AIM2: variants seen among roughly 807,000 people sequenced by gnomAD.
AIM2 encodes interferon-inducible protein AIM2.
Under a neutral mutation model 27.7 loss-of-function variants are expected in AIM2, and 30 were observed. The observed-to-expected ratio is 1.08, with a 90% CI of 0.81 to 1.47. The LOEUF (loss-of-function observed/expected upper bound fraction) is 1.47. Ranked by LOEUF, AIM2 falls within the 40% of genes most tolerant of loss-of-function variation. The probability of loss-of-function intolerance (pLI) is 0.00; values close to 1 mark genes in which losing one functional copy is unlikely to be tolerated. For synonymous variants in AIM2, 141 were observed against 145.3 expected, an observed-to-expected ratio of 0.97 and a Z score of 0.21; for missense variants, 358 against 411.3, an observed-to-expected ratio of 0.87 and a Z score of 1.12.
At chr1:159,061,453 C>T (rs577673702), downstream of AIM2, among the ~76,000 whole-genome samples, 72 of 151,982 alleles carry the variant, frequency 4.7e-4, no homozygotes, top group African/African-American at 1.5e-3. Flanking sequence ...AGTGCAATGG[C>T]GCAATCTCAG....
chr1:159,129,656 T>C (rs951199794), intron 1 of AIM2, among the ~76,000 whole-genome samples: 1 of 152,198 alleles, frequency 6.6e-6, no homozygotes, highest in Non-Finnish European at 1.5e-5. Flanking sequence ...AGGAATTAAA[T>C]GGAATCATGC....
chr1:159,095,749 T>C (rs2102013342), intron 1 of AIM2, among the ~76,000 whole-genome samples: 1 of 152,306 alleles, frequency 6.6e-6, no homozygotes, highest in Admixed American at 6.5e-5. Flanking sequence ...AACATTTTAG[T>C]CTCTTAATTG....
At chr1:159,137,644 G>A (rs1258041951) in intron 1 of AIM2, among the ~76,000 whole-genome samples, 2 of 152,138 alleles carry the variant, frequency 1.3e-5, no homozygotes, top group Non-Finnish European at 2.9e-5. Flanking sequence ...GTGACAGAGC[G>A]AGACTCCATC....
intron 1 of AIM2, among the ~76,000 whole-genome samples, chr1:159,076,003 A>C (rs777638562): frequency 6.6e-5 from 10 of 152,204 alleles, no homozygotes; most frequent in Non-Finnish European, 1.3e-4. Flanking sequence ...CTACTTATAC[A>C]TGTAGAGTTC....
At chr1:159,113,086 A>G (rs1657616291) in intron 1 of AIM2, among the ~76,000 whole-genome samples, 1 of 152,028 alleles carries the variant, frequency 6.6e-6, no homozygotes, top group Non-Finnish European at 1.5e-5. Context: ...CTGGGACTAC[A>G]GGCATCCGCC....
At chr1:159,126,381 T>C (rs1054191390) in intron 1 of AIM2, among the ~76,000 whole-genome samples, 23 of 151,908 alleles carry the variant, frequency 1.5e-4, no homozygotes, top group Non-Finnish European at 2.5e-4. Flanking sequence ...GGCACGGTGG[T>C]TCACGCCTGT....
chr1:159,075,957 G>GT (rs958443351), intron 1 of AIM2, among the ~76,000 whole-genome samples: 76 of 152,250 alleles, frequency 5.0e-4, no homozygotes, highest in African/African-American at 1.8e-3. Context: ...GCCTTATAAT[G>GT]TTTTTTCCTA....
chr1:159,066,468 G>A (rs559173179), intron 3 of AIM2, 139 bp from the exon 4 acceptor site: 10 of 858,486 alleles, frequency 1.2e-5, no homozygotes, highest in East Asian at 7.8e-5. Context: ...GAGGGGATAC[G>A]AAGAGAGTTG....
chr1:159,058,199 A>G (rs1655717778), downstream of AIM2, among the ~76,000 whole-genome samples: 2 of 152,080 alleles, frequency 1.3e-5, no homozygotes. Context: ...ACATACAAAC[A>G]TTAGCCAGGC....
intron 1 of AIM2, among the ~76,000 whole-genome samples, chr1:159,105,182 G>A (rs765324393): frequency 1.7e-4 from 26 of 152,218 alleles, no homozygotes; most frequent in Non-Finnish European, 3.1e-4. Flanking sequence ...CAGCTGCTGC[G>A]GCAGGGCAGG....
At chr1:159,093,882 C>G (rs1050488955) in intron 1 of AIM2, among the ~76,000 whole-genome samples, 1 of 146,838 alleles carries the variant, frequency 6.8e-6, no homozygotes, top group Non-Finnish European at 1.5e-5. Context: ...ATCACAGGCG[C>G]CTACCACCAT....
chr1:159,067,874 C>G (rs1462048859), intron 3 of AIM2, among the ~76,000 whole-genome samples: 1 of 152,110 alleles, frequency 6.6e-6, no homozygotes, highest in Non-Finnish European at 1.5e-5. Flanking sequence ...TTGTCTGCCA[C>G]TCCCTCAGGA....
At chr1:159,073,216 A>T (rs774613385) in intron 2 of AIM2, 22 bp downstream of exon 2, 1 of 1,612,922 alleles carries the variant, frequency 6.2e-7, no homozygotes, top group South Asian at 1.1e-5. Flanking sequence ...GGGACGGGGC[A>T]GGTGTGGAAC....
At chr1:159,107,765 A>G (rs940780846) in intron 1 of AIM2, among the ~76,000 whole-genome samples, 3 of 152,340 alleles carry the variant, frequency 2.0e-5, no homozygotes, top group Non-Finnish European at 2.9e-5. Context: ...ATTCAAGGCT[A>G]CTATGGACAC....
At chr1:159,084,266 A>G (rs1656846008) in intron 1 of AIM2, among the ~76,000 whole-genome samples, 1 of 152,124 alleles carries the variant, frequency 6.6e-6, no homozygotes, top group African/African-American at 2.4e-5. Flanking sequence ...GATCAAATGA[A>G]AAAACCCTGG....
chr1:159,065,487 C>A (rs1209073588), intron 4 of AIM2, among the ~76,000 whole-genome samples: 1 of 152,164 alleles, frequency 6.6e-6, no homozygotes, highest in Non-Finnish European at 1.5e-5. Context: ...GTTCTTTAAT[C>A]CTGCCTTGCG....
At chr1:159,109,520 A>G (rs1158281917) in intron 1 of AIM2, among the ~76,000 whole-genome samples, 1 of 152,236 alleles carries the variant, frequency 6.6e-6, no homozygotes, top group Non-Finnish European at 1.5e-5. Flanking sequence ...CATGATTAAG[A>G]ACCCAAAAGC....
At chr1:159,120,291 T>C (rs1647498822) in intron 1 of AIM2, among the ~76,000 whole-genome samples, 1 of 152,216 alleles carries the variant, frequency 6.6e-6, no homozygotes, top group Admixed American at 6.5e-5. Context: ...AAAGGTCCTG[T>C]GTGCAAAAGA....
intron 1 of AIM2, among the ~76,000 whole-genome samples, chr1:159,082,958 T>C (rs1014189117): frequency 6.6e-6 from 1 of 152,202 alleles, no homozygotes; most frequent in Non-Finnish European, 1.5e-5. Context: ...GTGTAAGTTT[T>C]GCAGGTAGTG....
Sources: allele counts gnomAD v4.1 joint callset (sites outside exome capture counted in the v4.1 genomes callset), GRCh38; gene constraint gnomAD v4.1.1; transcripts MANE v1.5; gene names NCBI Gene and HGNC (gene_info 2026-07-23, HGNC 2026-07-21).